Variants in SUPT3H observed in about 807,000 individuals in gnomAD.
SUPT3H encodes SPT3 homolog, SAGA and STAGA complex component.
In SUPT3H, 44 loss-of-function variants were observed where a neutral mutation model predicts 44.3. The observed-to-expected ratio is 0.99, with a 90% CI of 0.78 to 1.28. SUPT3H has a LOEUF of 1.28. Ranked by LOEUF, SUPT3H falls within the 50% of genes most tolerant of loss-of-function variation. The pLI, the probability that SUPT3H is intolerant of heterozygous loss-of-function variation, is 0.00. For missense variants in SUPT3H, 380 were observed against 387.1 expected (o/e 0.98, Z 0.15); for synonymous variants, 124 against 125.6 (o/e 0.99, Z 0.09).
At chr6:45,347,973 C>G (rs1239204330) in intron 2 of SUPT3H, among the ~76,000 whole-genome samples, 2 of 151,986 alleles carry the variant, frequency 1.3e-5, no homozygotes, top group Non-Finnish European at 2.9e-5. Context: ...AAATGCATTA[C>G]TTTTACAATC....
At chr6:45,169,627 T>G (rs1405620493) in intron 2 of SUPT3H, among the ~76,000 whole-genome samples, 1 of 152,224 alleles carries the variant, frequency 6.6e-6, no homozygotes, top group Non-Finnish European at 1.5e-5. Context: ...AAAAGCATTT[T>G]GTATAAAAAT....
intron 2 of SUPT3H, among the ~76,000 whole-genome samples, chr6:45,342,687 C>T (rs1790046376): frequency 6.6e-6 from 1 of 151,918 alleles, no homozygotes; most frequent in Non-Finnish European, 1.5e-5. Context: ...CAATATTTTT[C>T]AATTAAAAAC....
intron 2 of SUPT3H, among the ~76,000 whole-genome samples, chr6:45,181,558 C>T (rs1023213302): frequency 1.3e-5 from 2 of 151,824 alleles, no homozygotes; most frequent in Non-Finnish European, 2.9e-5. Context: ...GAGTTCATGT[C>T]CTTTGTAGGG....
chr6:45,302,538 T>C (rs1782308738), intron 2 of SUPT3H, among the ~76,000 whole-genome samples: 1 of 131,514 alleles, frequency 7.6e-6, no homozygotes, highest in South Asian at 2.5e-4. Flanking sequence ...TATATATATA[T>C]ATATATATAT....
chr6:45,162,183 A>G (rs760764034), intron 2 of SUPT3H, among the ~76,000 whole-genome samples: 4 of 152,056 alleles, frequency 2.6e-5, no homozygotes, highest in Non-Finnish European at 5.9e-5. Context: ...AGATTAATTC[A>G]GTGTTATATG....
At chr6:45,246,596 T>A (rs1258819365) in intron 2 of SUPT3H, among the ~76,000 whole-genome samples, 3 of 152,154 alleles carry the variant, frequency 2.0e-5, no homozygotes, top group Non-Finnish European at 4.4e-5. Flanking sequence ...TAATGCAGAT[T>A]CAAAATAGGA....
intron 2 of SUPT3H, among the ~76,000 whole-genome samples, chr6:45,182,175 T>G (rs968260168): frequency 6.6e-6 from 1 of 152,222 alleles, no homozygotes; most frequent in Non-Finnish European, 1.5e-5. Flanking sequence ...TAGTGTTGAG[T>G]ATTCTGAAGA....
intron 2 of SUPT3H, among the ~76,000 whole-genome samples, chr6:45,142,160 C>A (rs1034708677): frequency 1.3e-5 from 2 of 152,000 alleles, no homozygotes; most frequent in Non-Finnish European, 2.9e-5. Context: ...GCTTCATAAA[C>A]GAGAGAAAGA....
chr6:45,317,310 T>A (rs1054108216), intron 2 of SUPT3H, among the ~76,000 whole-genome samples: 1 of 151,158 alleles, frequency 6.6e-6, no homozygotes, highest in South Asian at 2.1e-4. Context: ...ATGCAATCTT[T>A]ATCTAATGAC....
chr6:44,964,835 G>A (rs1261649072), intron 6 of SUPT3H, among the ~76,000 whole-genome samples: 1 of 152,086 alleles, frequency 6.6e-6, no homozygotes, highest in African/African-American at 2.4e-5. Flanking sequence ...ACAAAATCAT[G>A]GCTTAGAGAT....
At chr6:44,882,875 G>A (rs574039883) in intron 10 of SUPT3H, among the ~76,000 whole-genome samples, 1 of 152,268 alleles carries the variant, frequency 6.6e-6, no homozygotes, top group South Asian at 2.1e-4. Flanking sequence ...AGGTATTGAT[G>A]GAACGTATCT....
chr6:45,281,005 T>C (rs1777948496), intron 2 of SUPT3H, among the ~76,000 whole-genome samples: 1 of 152,146 alleles, frequency 6.6e-6, no homozygotes, highest in Non-Finnish European at 1.5e-5. Flanking sequence ...AGATGTAGAT[T>C]ATTTGTTTTT....
At position 45,269,303 on chromosome 6, in the gene SUPT3H, C is replaced by T. The variant is rs183636002; in HGVS notation, c.101+95898G>A. 9.9e-5 allele frequency among the ~76,000 whole-genome samples: 15 copies of T among 152,154 alleles called. No individual in the cohort carries two copies. The East Asian group carries it at 2.9e-3, about 29-fold the overall frequency. ...CTACACTGTTAAGTACAAATAATACCACATTCCTCATTTGTTTAACACCAT... is the reference window on the plus strand; with the variant it reads ...CTACACTGTTAAGTACAAATAATACTACATTCCTCATTTGTTTAACACCAT... On this transcript the variant is annotated intron_variant, in intron 2 of 10. Coordinates refer to ENST00000371459, the MANE Select transcript of SUPT3H (RefSeq NM_003599.4).
At chr6:45,084,430 AC>A (rs1401484396) in intron 3 of SUPT3H, among the ~76,000 whole-genome samples, 1 of 152,186 alleles carries the variant, frequency 6.6e-6, no homozygotes, top group East Asian at 1.9e-4. Context: ...ACAAATCAAA[AC>A]CACAATGAGG....
Position 45,198,641 on chromosome 6 carries a change from CTTGATAT to C in SUPT3H, c.102-92642_102-92636del, listed in dbSNP as rs1816483956. ...AACAACGACACAGTTAAAATAACTT[CTTGATAT>C]AAGTTAATTTTTAAGAAAATTAGTT... is the stretch of plus-strand genomic sequence containing the variant. On this transcript the variant is annotated intron_variant, in intron 2 of 10. Coordinates refer to ENST00000371459, the MANE Select transcript of SUPT3H (RefSeq NM_003599.4). Among the ~76,000 whole-genome samples the C allele has an allele frequency of 7.3e-5, 11 of 151,324 alleles. No homozygotes were observed. The South Asian group carries it at 2.3e-3, about 31-fold the overall frequency.
chr6:45,106,917 A>G (rs116589751), intron 2 of SUPT3H, among the ~76,000 whole-genome samples: 1,720 of 152,340 alleles, frequency 0.011, 15 homozygotes, highest in Non-Finnish European at 0.019. Flanking sequence ...CAACCAGCAA[A>G]TCATGTAACC....
At chr6:45,354,090 C>T (rs1254130672) in intron 2 of SUPT3H, among the ~76,000 whole-genome samples, 1 of 152,046 alleles carries the variant, frequency 6.6e-6, no homozygotes, top group Admixed American at 6.6e-5. Flanking sequence ...GATAGAAATA[C>T]ATTAGTTCAA....
chr6:45,317,275 CT>C (rs1284848549), intron 2 of SUPT3H, among the ~76,000 whole-genome samples: 1 of 141,068 alleles, frequency 7.1e-6, no homozygotes, highest in Admixed American at 7.1e-5. Flanking sequence ...AATGTCCAGA[CT>C]ACCCAAAGTG....
At position 44,837,256 on chromosome 6, in the gene SUPT3H, T is replaced by C. The variant is rs543913651; in HGVS notation, c.913-7399A>G. 7.9e-5 allele frequency among the ~76,000 whole-genome samples: 12 copies of C among 152,328 alleles called. No individual in the cohort carries two copies. In the South Asian group the frequency reaches 2.5e-3, roughly 32 times the overall value. The stretch of plus-strand genomic sequence containing the variant: ...ACAGTTAATTCTCATTTCGCTTGAG[T>C]AACCTATAACCTCCAGAAGGAAGGG... On this transcript the variant is annotated intron_variant, in intron 10 of 10. Coordinates refer to ENST00000371459, the MANE Select transcript of SUPT3H (RefSeq NM_003599.4).
Sources: allele counts gnomAD v4.1 joint callset (sites outside exome capture counted in the v4.1 genomes callset), GRCh38; gene constraint gnomAD v4.1.1; transcripts MANE v1.5; gene names NCBI Gene and HGNC (gene_info 2026-07-23, HGNC 2026-07-21).